Variants in SGK3 observed in about 807,000 individuals in gnomAD.
The protein encoded by SGK3 is serum/glucocorticoid regulated kinase family member 3.
In SGK3, 47 loss-of-function variants were observed where a neutral mutation model predicts 68.5. That is an observed-to-expected ratio of 0.69 (90% CI 0.54 to 0.87). SGK3 has a LOEUF of 0.87. SGK3 is among the 40% of genes least tolerant of loss of function. The pLI is 0.00. For missense variants in SGK3, 479 were observed against 575.5 expected (o/e 0.83, Z 1.72); for synonymous variants, 181 against 189.1 (o/e 0.96, Z 0.35).
intron 1 of SGK3, among the ~76,000 whole-genome samples, chr8:66,753,384 G>T (rs1805879761): frequency 6.6e-6 from 1 of 152,272 alleles, no homozygotes; most frequent in Admixed American, 6.5e-5. Context: ...ATGAACCAAG[G>T]TAGAAGCTTG....
chr8:66,834,464 GGTTTTGTTTT>G (rs147634357), intron 8 of SGK3, among the ~76,000 whole-genome samples: 52 of 151,308 alleles, frequency 3.4e-4, no homozygotes, highest in Middle Eastern at 3.4e-3. Context: ...CTACTGGCAG[GGTTTTGTTTT>G]GTTTTGTTTT....
intron 4 of SGK3, among the ~76,000 whole-genome samples, chr8:66,812,729 C>T (rs960237233): frequency 6.6e-6 from 1 of 151,722 alleles, no homozygotes; most frequent in African/African-American, 2.4e-5. Flanking sequence ...TCATTTAATC[C>T]TATAACAGCA....
intron 4 of SGK3, among the ~76,000 whole-genome samples, chr8:66,809,965 G>A (rs146503462): frequency 0.037 from 5,628 of 152,230 alleles, 140 homozygotes; most frequent in African/African-American, 0.06. Context: ...ATCCAAGAGC[G>A]CTAGCAAGGA....
At chr8:66,757,674 G>C (rs190061811) in intron 1 of SGK3, among the ~76,000 whole-genome samples, 1,894 of 151,650 alleles carry the variant, frequency 0.012, 35 homozygotes, top group African/African-American at 0.042. Context: ...CAGCACTTTG[G>C]GGGGCTGAGG....
intron 1 of SGK3, among the ~76,000 whole-genome samples, chr8:66,734,944 C>CAAAAAAA (rs35047133): frequency 1.1e-5 from 1 of 91,156 alleles, no homozygotes; most frequent in African/African-American, 3.6e-5. Flanking sequence ...GGCTCCATCT[C>CAAAAAAA]AAAAAAAAAA....
intron 1 of SGK3, among the ~76,000 whole-genome samples, chr8:66,779,579 TATATATATATATATATATATATAA>T (rs1806878640): frequency 7.5e-6 from 1 of 134,128 alleles, no homozygotes; most frequent in African/African-American, 2.7e-5. Context: ...TATATATATA[TATATATATATATATATATATATAA>T]AACACATTTT....
intron 1 of SGK3, among the ~76,000 whole-genome samples, chr8:66,719,875 T>A (rs1804748656): frequency 6.6e-6 from 1 of 152,218 alleles, no homozygotes; most frequent in Non-Finnish European, 1.5e-5. Flanking sequence ...GCTATTAGCA[T>A]TTTGGAGTAT....
chr8:66,815,623 T>C (rs949198835), intron 5 of SGK3, among the ~76,000 whole-genome samples: 3 of 152,196 alleles, frequency 2.0e-5, no homozygotes, highest in African/African-American at 7.2e-5. Context: ...TGAAATGTAA[T>C]TCATGCATTC....
chr8:66,793,816 A>C lies in SGK3; in HGVS notation c.80A>C (p.Lys27Thr). ...SIPSSDEHREKKKRFTVYKVL... is the reference protein window; with the variant it reads ...SIPSSDEHRETKKRFTVYKVL... ...CCCAGCTCCGATGAACACAGAGAGA[A>C]AAAGAAGAGGTTTACTGTAAGTATT... The change falls in exon 2 of 17, where the codon AAA becomes ACA. Residue 27 changes from lysine to threonine, a missense_variant. Lys to Thr is a moderately conservative substitution (Grantham distance 78). Coordinates refer to ENST00000521198, the MANE Select transcript of SGK3 (RefSeq NM_001033578.3). 3 of 1,612,916 alleles carry C rather than the reference A, an allele frequency of 1.9e-6. No homozygotes were observed. Among genetic ancestry groups the C allele is most frequent in the Non-Finnish European group, 2.5e-6 (3 of 1,179,206 alleles).
chr8:66,716,972 G>C (rs1804650986), intron 1 of SGK3, among the ~76,000 whole-genome samples: 1 of 151,920 alleles, frequency 6.6e-6, no homozygotes, highest in Non-Finnish European at 1.5e-5. Flanking sequence ...AAGGTGGGCA[G>C]ATCACCTGAG....
intron 16 of SGK3, among the ~76,000 whole-genome samples, chr8:66,856,617 T>C (rs1810520350): frequency 6.6e-6 from 1 of 152,192 alleles, no homozygotes; most frequent in South Asian, 2.1e-4. Context: ...CCTGTATTAT[T>C]CCTGTCAGTA....
intron 1 of SGK3, among the ~76,000 whole-genome samples, chr8:66,763,240 G>A (rs776163947): frequency 3.3e-5 from 5 of 152,134 alleles, no homozygotes; most frequent in African/African-American, 9.7e-5. Context: ...TATGGTTATC[G>A]AAAGGTAAAC....
chr8:66,789,123 GA>G (rs35284393), intron 1 of SGK3, among the ~76,000 whole-genome samples: 1,807 of 126,550 alleles, frequency 0.014, 32 homozygotes, highest in African/African-American at 0.04. Flanking sequence ...ATTTTATTCA[GA>G]AAAAAAAAAA....
At chr8:66,853,461 G>C (rs1393876119) in intron 16 of SGK3, among the ~76,000 whole-genome samples, 24 of 152,100 alleles carry the variant, frequency 1.6e-4, no homozygotes, top group Admixed American at 1.5e-3. Flanking sequence ...TTTTCCAATC[G>C]GTTAGTGTTT....
intron 1 of SGK3, among the ~76,000 whole-genome samples, chr8:66,754,373 G>C (rs1563610565): frequency 6.6e-6 from 1 of 152,100 alleles, no homozygotes; most frequent in Non-Finnish European, 1.5e-5. Flanking sequence ...GACAGGACTG[G>C]ACTTAAGACT....
chr8:66,761,466 A>G (rs1489175765), intron 1 of SGK3, among the ~76,000 whole-genome samples: 2 of 152,206 alleles, frequency 1.3e-5, no homozygotes, highest in Non-Finnish European at 2.9e-5. Flanking sequence ...GGCAAATAAC[A>G]TCTTTGTGTT....
intron 1 of SGK3, among the ~76,000 whole-genome samples, chr8:66,732,734 A>T (rs1022779400): frequency 6.6e-6 from 1 of 152,062 alleles, no homozygotes; most frequent in African/African-American, 2.4e-5. Flanking sequence ...AATCCCAGCT[A>T]CTCAGGAGGC....
chr8:66,852,184 T>TAGA (rs1810318234), intron 16 of SGK3, among the ~76,000 whole-genome samples: 1 of 151,874 alleles, frequency 6.6e-6, no homozygotes. Context: ...TAGAATAGAA[T>TAGA]ATAAGCCAAG....
At chr8:66,773,714 G>A (rs1416174575) in intron 1 of SGK3, among the ~76,000 whole-genome samples, 2 of 152,152 alleles carry the variant, frequency 1.3e-5, no homozygotes, top group Non-Finnish European at 2.9e-5. Flanking sequence ...AGAGACTAGC[G>A]GGTGGGTAGC....
Sources: gnomAD v4.1 joint callset for allele counts (sites outside exome capture counted in the v4.1 genomes callset) on GRCh38, gnomAD v4.1.1 for gene constraint, MANE v1.5 for transcripts, NCBI Gene and HGNC (gene_info 2026-07-23, HGNC 2026-07-21) for gene names.